The following SMOC1 variants were observed in gnomAD, a reference collection of about 807,000 sequenced individuals.
SMOC1 encodes the protein SPARC related modular calcium binding 1, also known as SPARC-related modular calcium-binding protein 1.
In SMOC1, 22 loss-of-function variants were observed where a neutral mutation model predicts 56.3. The observed-to-expected ratio is 0.39, with a 90% CI of 0.28 to 0.56. SMOC1 has a LOEUF of 0.56. Ranked by LOEUF, SMOC1 falls within the 20% of genes least tolerant of loss-of-function variation. The pLI, the probability that SMOC1 is intolerant of heterozygous loss-of-function variation, is 0.61. For synonymous variants in SMOC1, 193 were observed against 215.0 expected (o/e 0.90, Z 0.89); for missense variants, 509 against 565.4 (o/e 0.90, Z 1.01).
At chr14:69,957,600 T>G (rs942301640) in intron 3 of SMOC1, among the ~76,000 whole-genome samples, 1 of 152,210 alleles carries the variant, frequency 6.6e-6, no homozygotes, top group Non-Finnish European at 1.5e-5. Flanking sequence ...CTCTTTCTAA[T>G]GCTGTTGACC....
At chr14:69,920,444 C>T (rs770840601) in intron 1 of SMOC1, among the ~76,000 whole-genome samples, 54 of 152,276 alleles carry the variant, frequency 3.5e-4, no homozygotes, top group Admixed American at 9.1e-4. Flanking sequence ...AGAACTAGGA[C>T]GTAGAATCAT....
intron 5 of SMOC1, among the ~76,000 whole-genome samples, chr14:69,980,460 G>A (rs755271721): frequency 5.9e-5 from 9 of 152,136 alleles, no homozygotes; most frequent in Non-Finnish European, 1.3e-4. Context: ...TACTTTGAAG[G>A]ATCTGATTAG....
chr14:69,887,356 G>A (rs934719383), intron 1 of SMOC1, among the ~76,000 whole-genome samples: 1 of 152,150 alleles, frequency 6.6e-6, no homozygotes, highest in African/African-American at 2.4e-5. Context: ...GGTGAGGCAG[G>A]GGGATAGGAT....
At chr14:69,919,613 A>T (rs916572512) in intron 1 of SMOC1, among the ~76,000 whole-genome samples, 2 of 152,176 alleles carry the variant, frequency 1.3e-5, no homozygotes, top group Non-Finnish European at 2.9e-5. Context: ...TAGCCTTGTG[A>T]ATGTGAAGCT....
chr14:69,963,353 TG>T (rs1261362865), intron 3 of SMOC1, among the ~76,000 whole-genome samples: 1 of 152,076 alleles, frequency 6.6e-6, no homozygotes, highest in Non-Finnish European at 1.5e-5. Flanking sequence ...CGGTACCAAA[TG>T]GGGGTAGGAA....
At chr14:69,899,545 T>C (rs1884187302) in intron 1 of SMOC1, among the ~76,000 whole-genome samples, 2 of 152,204 alleles carry the variant, frequency 1.3e-5, no homozygotes, top group Non-Finnish European at 2.9e-5. Flanking sequence ...ACCACTATAC[T>C]TCCTGTAGAA....
chr14:69,994,078 C>T (rs1204829483), intron 6 of SMOC1, among the ~76,000 whole-genome samples: 1 of 152,210 alleles, frequency 6.6e-6, no homozygotes, highest in African/African-American at 2.4e-5. Context: ...CCCAGGGAAG[C>T]AGCTGAGAGG....
chr14:69,964,743 T>C lies in SMOC1; in HGVS notation c.379-10972T>C, dbSNP rs1239700056. ...CACAAGGTGCCAGGCTGTTTTATATTTGCCTGACACATGTTAAGTTATTCA... is the reference window on the plus strand; with the variant it reads ...CACAAGGTGCCAGGCTGTTTTATATCTGCCTGACACATGTTAAGTTATTCA... On this transcript the variant is annotated intron_variant, in intron 3 of 11. Transcript: ENST00000361956. Among the ~76,000 whole-genome samples the C allele has an allele frequency of 2.0e-5, 3 of 152,186 alleles. No individual in the cohort carries two copies. In the South Asian group the frequency reaches 6.2e-4, roughly 32 times the overall value.
intron 7 of SMOC1, among the ~76,000 whole-genome samples, chr14:70,002,957 T>C (rs551224060): frequency 1.3e-5 from 2 of 152,304 alleles, no homozygotes; most frequent in South Asian, 2.1e-4. Context: ...TATCTTTCTC[T>C]CTTTTACTCC....
chr14:69,937,822 G>A (rs1270697297), intron 1 of SMOC1, among the ~76,000 whole-genome samples: 2 of 152,152 alleles, frequency 1.3e-5, no homozygotes, highest in Non-Finnish European at 2.9e-5. Context: ...CTGAAGCCAG[G>A]CATCAATCAG....
chr14:69,960,258 G>T (rs77041705), intron 3 of SMOC1, among the ~76,000 whole-genome samples: 2,871 of 152,252 alleles, frequency 0.019, 40 homozygotes, highest in Non-Finnish European at 0.026. Flanking sequence ...GATATATCTT[G>T]CCTAGAGCAA....
At chr14:69,902,591 C>T (rs956080205) in intron 1 of SMOC1, among the ~76,000 whole-genome samples, 1 of 152,012 alleles carries the variant, frequency 6.6e-6, no homozygotes, top group African/African-American at 2.4e-5. Flanking sequence ...TTTAAGAAAA[C>T]CATCTAGCCC....
intron 5 of SMOC1, among the ~76,000 whole-genome samples, chr14:69,988,412 A>T (rs567455100): frequency 8.2e-4 from 125 of 152,256 alleles, no homozygotes; most frequent in Non-Finnish European, 9.7e-4. Flanking sequence ...CATCACATGC[A>T]TATACAGATT....
intron 4 of SMOC1, among the ~76,000 whole-genome samples, chr14:69,977,288 G>A (rs1883998255): frequency 6.6e-6 from 1 of 152,232 alleles, no homozygotes; most frequent in African/African-American, 2.4e-5. Flanking sequence ...AGGAGGGGAT[G>A]CACAGAGCAC....
intron 1 of SMOC1, among the ~76,000 whole-genome samples, chr14:69,895,967 C>T (rs1490834253): frequency 6.6e-6 from 1 of 150,870 alleles, no homozygotes; most frequent in Non-Finnish European, 1.5e-5. Flanking sequence ...AATGCCTTAG[C>T]CTCCTGAGTA....
At position 70,023,195 on chromosome 14, in the gene SMOC1, T is replaced by C. The variant is rs1170424512; in HGVS notation, c.1047-8T>C. On this transcript the variant is annotated splice_region_variant and splice_polypyrimidine_tract_variant and intron_variant, in intron 10 of 11. Transcript: ENST00000361956. ...TCTCTGCGGTGGGGGTGTTTGTCCA[T>C]GGCCCAGGTTCTCAGAGCCAGACCC... 3.7e-6 allele frequency: 6 copies of C among 1,613,938 alleles called. No individual in the cohort carries two copies. The highest frequency in any genetic ancestry group is 5.1e-6 in the Non-Finnish European group (6 of 1,180,022).
chr14:70,009,041 A>T (rs114740506), intron 7 of SMOC1, among the ~76,000 whole-genome samples: 4,651 of 151,810 alleles, frequency 0.031, 125 homozygotes, highest in Middle Eastern at 0.14. Context: ...TGGAGGCAAA[A>T]CCCAAGTCTG....
chr14:69,933,810 G>A (rs750568373), intron 1 of SMOC1, among the ~76,000 whole-genome samples: 6 of 152,176 alleles, frequency 3.9e-5, no homozygotes, highest in Non-Finnish European at 7.3e-5. Flanking sequence ...GAGCCATCGC[G>A]CCTGGCCAGA....
chr14:69,893,834 G>T (rs570546346), intron 1 of SMOC1, among the ~76,000 whole-genome samples: 1 of 152,274 alleles, frequency 6.6e-6, no homozygotes, highest in East Asian at 1.9e-4. Context: ...ATAGGGCCTT[G>T]ATGAAACAAT....
Sources: allele counts gnomAD v4.1 joint callset (sites outside exome capture counted in the v4.1 genomes callset), GRCh38; gene constraint gnomAD v4.1.1; transcripts MANE v1.5; gene names NCBI Gene and HGNC (gene_info 2026-07-23, HGNC 2026-07-21).